HERC1: variants seen among roughly 807,000 people sequenced by gnomAD.
HERC1 encodes HECT and RLD domain containing E3 ubiquitin protein ligase family member 1.
HERC1 carries 160 observed loss-of-function variants against 554.3 expected under a neutral mutation model. That is an observed-to-expected ratio of 0.29 (90% CI 0.25 to 0.33). The LOEUF is 0.33. Among genes scored for constraint, HERC1 ranks in the 10% least tolerant of loss-of-function variants. The probability of loss-of-function intolerance (pLI) is 1.00; values close to 1 mark genes in which losing one functional copy is unlikely to be tolerated. For synonymous variants in HERC1, 2,175 were observed against 2,131.7 expected (o/e 1.02, Z -0.56); for missense variants, 4,919 against 5,918.5 (o/e 0.83, Z 5.54).
Position 63,805,029 on chromosome 15 carries a change from T to A in HERC1, c.-27+28798A>T, listed in dbSNP as rs543838850. On this transcript the variant is annotated intron_variant, in intron 1 of 77. Transcript: ENST00000443617. ...TGGGAAACTGCTTGGCAGTTTATCA[T>A]AAACACACGCTGTACTTAGCACATA... Among the ~76,000 whole-genome samples the A allele has an allele frequency of 2.6e-5, 4 of 152,224 alleles. No homozygotes were observed. The East Asian group carries it at 7.7e-4, about 29-fold the overall frequency.
chr15:63,609,969 G>A (rs2067518208), intron 77 of HERC1, among the ~76,000 whole-genome samples: 2 of 152,070 alleles, frequency 1.3e-5, no homozygotes, highest in Non-Finnish European at 2.9e-5. Context: ...TACAATTGAG[G>A]CAAAGACTAT....
intron 46 of HERC1, among the ~76,000 whole-genome samples, chr15:63,660,557 G>A (rs1319171039): frequency 6.6e-6 from 1 of 152,112 alleles, no homozygotes; most frequent in Non-Finnish European, 1.5e-5. Flanking sequence ...TAAAAATATT[G>A]TCATGGGTCC....
intron 1 of HERC1, among the ~76,000 whole-genome samples, chr15:63,820,024 T>G (rs1169103056): frequency 6.6e-6 from 1 of 152,194 alleles, no homozygotes; most frequent in Non-Finnish European, 1.5e-5. Context: ...CTAAATGAAG[T>G]AATGTATATG....
chr15:63,630,420 G>A lies in HERC1; in HGVS notation c.12966+46C>T, dbSNP rs1341927360. ...TCTTTCCCCAACTGAGGAACACTGTGAGATTTCTAGAATATGAGAAAGCAG... is the reference window on the plus strand; with the variant it reads ...TCTTTCCCCAACTGAGGAACACTGTAAGATTTCTAGAATATGAGAAAGCAG... On this transcript the variant is annotated intron_variant, in intron 69 of 77. Transcript: ENST00000443617. The A allele has an allele frequency of 2.5e-6, 4 of 1,569,802 alleles. No homozygotes were observed. In the African/African-American group the frequency reaches 4.1e-5, roughly 16 times the overall value.
chr15:63,656,177 A>G lies in HERC1; in HGVS notation c.9781T>C (p.Ser3261Pro). 1 of 1,612,778 alleles carries G rather than the reference A, an allele frequency of 6.2e-7. No homozygotes were observed. The highest frequency in any genetic ancestry group is 1.3e-5 in the African/African-American group (1 of 75,030). Residue 3261 changes from serine (S) to proline (P), a missense_variant, in exon 49 of 78, where the codon TCT becomes CCT. Coordinates refer to ENST00000443617, the MANE Select transcript of HERC1 (RefSeq NM_003922.4). Reference sequence around the variant, plus strand: ...GCTGTGCTCAAATAGGCCAGGCAAGAGATAGGCTTGTTAGCCTTGCTATGC... The same window carrying G: ...GCTGTGCTCAAATAGGCCAGGCAAGGGATAGGCTTGTTAGCCTTGCTATGC... ...GGHSKANKPI[S>P]CLAYLSTAVG...
intron 1 of HERC1, among the ~76,000 whole-genome samples, chr15:63,779,033 T>C (rs986386386): frequency 2.0e-5 from 3 of 151,158 alleles, no homozygotes; most frequent in Non-Finnish European, 4.4e-5. Context: ...ATCTCAGCAA[T>C]GAAGAATGAA....
chr15:63,771,129 C>T (rs933786832), intron 2 of HERC1, among the ~76,000 whole-genome samples: 1 of 151,614 alleles, frequency 6.6e-6, no homozygotes, highest in South Asian at 2.1e-4. Flanking sequence ...GCAGAGGTTG[C>T]AGTGAGCCAA....
At chr15:63,700,677 C>G (rs2072665532) in intron 25 of HERC1, among the ~76,000 whole-genome samples, 1 of 142,146 alleles carries the variant, frequency 7.0e-6, no homozygotes, top group Non-Finnish European at 1.5e-5. Context: ...CCACTGCACT[C>G]CAGCCTGGGT....
intron 42 of HERC1, among the ~76,000 whole-genome samples, chr15:63,665,482 C>T (rs945787184): frequency 1.3e-5 from 2 of 152,116 alleles, no homozygotes; most frequent in African/African-American, 4.8e-5. Context: ...CTGCAGTGAG[C>T]CGATATCGCG....
intron 10 of HERC1, 146 bp from the exon 11 acceptor site, chr15:63,748,004 T>C (rs2075117165): frequency 5.6e-6 from 4 of 715,130 alleles, no homozygotes; most frequent in Admixed American, 5.9e-5. Context: ...GGAATGCAGA[T>C]TACCTGAGGT....
At chr15:63,637,973 C>T (rs1191924755) in intron 63 of HERC1, among the ~76,000 whole-genome samples, 1 of 152,132 alleles carries the variant, frequency 6.6e-6, no homozygotes, top group Non-Finnish European at 1.5e-5. Context: ...GTCATGCAAT[C>T]TGGACTAGCT....
At position 63,656,261 on chromosome 15, in the gene HERC1, C is replaced by G. The variant is rs960047252; in HGVS notation, c.9697G>C (p.Ala3233Pro). 2 of 1,613,794 alleles carry G rather than the reference C, an allele frequency of 1.2e-6. No homozygotes were observed. Among genetic ancestry groups the G allele is most frequent in the African/African-American group, 1.3e-5 (1 of 74,948 alleles). ...GCAGAAGGGCTGGTGGAGAGGCCAG[C>G]TCTCCCTGCTGCTGCCAAGCACATT... ...RLMCLAAAGR[A>P]GLSTSPSAMA... Residue 3233 changes from alanine to proline, a missense_variant, in exon 49 of 78, where the codon GCT becomes CCT. Ala to Pro is a conservative substitution (Grantham distance 27). This residue lies in a region of HERC1 where 1,963 missense variants were observed against 2,228.6 expected (regional missense o/e 0.88). Transcript: ENST00000443617.
chr15:63,688,849 T>C (rs1179545644), intron 33 of HERC1, among the ~76,000 whole-genome samples: 2 of 151,914 alleles, frequency 1.3e-5, no homozygotes, highest in East Asian at 3.9e-4. Context: ...AGGTGAATGG[T>C]GGTGCTTTCA....
chr15:63,649,948 T>C (rs939329088), intron 53 of HERC1, 23 bp from the exon 54 acceptor site: 10 of 1,497,950 alleles, frequency 6.7e-6, no homozygotes, highest in South Asian at 2.4e-5. Flanking sequence ...AAATGTTAAC[T>C]AGTTTTTACT....
intron 74 of HERC1, among the ~76,000 whole-genome samples, chr15:63,621,083 T>C (rs564337001): frequency 9.2e-5 from 14 of 152,398 alleles, no homozygotes; most frequent in Admixed American, 7.2e-4. Flanking sequence ...AGTTTCTTCC[T>C]AGCCTCGATG....
chr15:63,729,592 A>T lies in HERC1; in HGVS notation c.2926T>A (p.Ser976Thr). ...TGAGCAGGCTGACTGTTTTCTGATG[A>T]TGATGTTCCAAGTAGAAATTTATCA... is the stretch of plus-strand genomic sequence containing the variant. ...NSDKFLLGTS[S>T]SENSQPAHLH... Residue 976 changes from serine (S) to threonine (T), a missense_variant, in exon 15 of 78, where the codon TCA becomes ACA. By Grantham distance (58) the Ser-to-Thr change is moderately conservative. Coordinates refer to ENST00000443617, the MANE Select transcript of HERC1 (RefSeq NM_003922.4). The T allele has an allele frequency of 6.2e-7, 1 of 1,613,784 alleles. No homozygotes were observed. The highest frequency in any genetic ancestry group is 8.5e-7 in the Non-Finnish European group (1 of 1,179,682).
intron 1 of HERC1, among the ~76,000 whole-genome samples, chr15:63,832,836 T>A (rs546800900): frequency 3.3e-5 from 5 of 152,084 alleles, no homozygotes; most frequent in African/African-American, 1.2e-4. Context: ...TAAAAAAAAA[T>A]GTGTCTGTTA....
intron 1 of HERC1, among the ~76,000 whole-genome samples, chr15:63,819,262 GGGCTCATTCCTAA>G: frequency 6.6e-6 from 1 of 151,998 alleles, no homozygotes; most frequent in Non-Finnish European, 1.5e-5. Context: ...GATTATTCAG[GGGCTCATTCCTAA>G]GGCAGCTCCC....
At chr15:63,774,670 A>T (rs755875210) in intron 2 of HERC1, 24 bp downstream of exon 2, 3 of 1,519,242 alleles carry the variant, frequency 2.0e-6, no homozygotes, top group South Asian at 2.5e-5. Context: ...TATGAACTTT[A>T]AAGTTGAGAC....
Sources: gnomAD v4.1 joint callset for allele counts (sites outside exome capture counted in the v4.1 genomes callset) on GRCh38, gnomAD v4.1.1 for gene constraint, gnomAD v4.1.1 regional missense constraint, MANE v1.5 for transcripts, NCBI Gene and HGNC (gene_info 2026-07-23, HGNC 2026-07-21) for gene names.